CFAP74: variants seen among roughly 807,000 people sequenced by gnomAD.
The protein encoded by CFAP74 is cilia and flagella associated protein 74.
A neutral mutation model predicts 188.9 loss-of-function variants in CFAP74; 124 were observed. That is an observed-to-expected ratio of 0.66 (90% CI 0.57 to 0.76). The LOEUF (loss-of-function observed/expected upper bound fraction) is 0.76, where lower values mean the gene tolerates loss of function less well. Ranked by LOEUF, CFAP74 falls within the 30% of genes least tolerant of loss-of-function variation. The pLI, the probability that CFAP74 is intolerant of heterozygous loss-of-function variation, is 0.00. For synonymous variants in CFAP74, 956 were observed against 916.7 expected (o/e 1.04, Z -0.77); for missense variants, 2,198 against 2,165.2 (o/e 1.02, Z -0.30).
At chr1:1,995,331 A>C (rs1340642651) in intron 1 of CFAP74, among the ~76,000 whole-genome samples, 1 of 152,018 alleles carries the variant, frequency 6.6e-6, no homozygotes, top group Non-Finnish European at 1.5e-5. Context: ...GTCTCTACTA[A>C]AAATACAAAA....
intron 18 of CFAP74, among the ~76,000 whole-genome samples, chr1:1,951,124 G>A (rs1654176973): frequency 1.3e-5 from 2 of 152,274 alleles, no homozygotes; most frequent in South Asian, 4.2e-4. Context: ...TGGCTGACAA[G>A]GCCTCAGGAA....
rs1656215465 is a variant in CFAP74 at position 1,973,268 on chromosome 1, A to G, written c.675-221T>C. Among the ~76,000 whole-genome samples, 1 of 152,222 alleles carries G rather than the reference A, an allele frequency of 6.6e-6. No homozygotes were observed. The highest frequency in any genetic ancestry group is 1.5e-5 in the Non-Finnish European group (1 of 68,044). ...TCCACGCTACTGGGGCTCCAGTGCC[A>G]GGGAGCCACCAAAGGCAAGGTTTGA... On this transcript the variant is annotated intron_variant, in intron 7 of 38. Transcript: ENST00000682832. This position sits in a 1 kb window ranked among gnomAD's most constrained non-coding sequence, Gnocchi z 6.2.
At chr1:1,967,380 T>C (rs1232967679) in intron 11 of CFAP74, among the ~76,000 whole-genome samples, 4 of 145,288 alleles carry the variant, frequency 2.8e-5, no homozygotes, top group African/African-American at 1.0e-4. Flanking sequence ...TTGCTGTTAC[T>C]GTGACCTGTA....
intron 21 of CFAP74, among the ~76,000 whole-genome samples, 198 bp downstream of exon 21, chr1:1,944,133 T>C (rs1337884748): frequency 1.3e-5 from 2 of 152,196 alleles, no homozygotes; most frequent in African/African-American, 4.8e-5. Flanking sequence ...ACAGCAGCCG[T>C]GGCAGCCCCA....
chr1:1,975,354 G>A lies in CFAP74; in HGVS notation c.501-1156C>T, dbSNP rs1317410171. Among the ~76,000 whole-genome samples the A allele has an allele frequency of 1.3e-5, 2 of 152,162 alleles. No homozygotes were observed. The highest frequency in any genetic ancestry group is 1.3e-4 in the Admixed American group (2 of 15,278). On this transcript the variant is annotated intron_variant, in intron 6 of 38. Coordinates refer to ENST00000682832, the MANE Select transcript of CFAP74 (RefSeq NM_001304360.2). The surrounding 1 kb of genome is among the most constrained non-coding windows in gnomAD (Gnocchi z 4.5). Reference sequence around the variant, plus strand: ...GTTAATGTCAAGGATTTCTAACGTTGAGCCTTTTTCGGGGCTCCTAGGATA... The same window carrying A: ...GTTAATGTCAAGGATTTCTAACGTTAAGCCTTTTTCGGGGCTCCTAGGATA...
In CFAP74 at chr1:1,926,634, C is replaced by G; in HGVS notation, c.3772+18G>C. 6.5e-7 allele frequency: 1 copy of G among 1,546,198 alleles called. No individual in the cohort carries two copies. The highest frequency in any genetic ancestry group is 1.2e-5 in the South Asian group (1 of 83,980). ...CTGGGCACCGGGGTGGAGGTGTGGG[C>G]GGGGCTTAGCGTCTCACCCACAGCG... On this transcript the variant is annotated intron_variant, in intron 30 of 38. Transcript: ENST00000682832.
In CFAP74 at chr1:1,971,233, GCACACACATGCA is replaced by G. The variant is rs541113459; in HGVS notation, c.889-429_889-418del. On this transcript the variant is annotated intron_variant, in intron 9 of 38. Transcript: ENST00000682832. ...CCTGCACACATACGCGTGCACGCCT[GCACACACATGCA>G]CACACTCACGCATGCACACACATGC... Among the ~76,000 whole-genome samples, 686 of 143,472 alleles carry G rather than the reference GCACACACATGCA, an allele frequency of 4.8e-3. 19 individuals carry two copies. In the East Asian group the frequency reaches 0.09, roughly 19 times the overall value. 94.1% of individuals were successfully genotyped at this position (143,472 alleles called of 152,430 possible). A position where few individuals can be genotyped will look rare whatever the true frequency, so the allele number is the denominator to read the frequency against.
At position 1,926,491 on chromosome 1, in the gene CFAP74, ATCT is replaced by A. The variant is rs771897343; in HGVS notation, c.3791_3793del (p.Lys1264del). On this transcript the variant is annotated inframe_deletion, in exon 31 of 39. Coordinates refer to ENST00000682832, the MANE Select transcript of CFAP74 (RefSeq NM_001304360.2). ...CTCGGGAGAGACGTTCTGGATGGAG[ATCT>A]TCTTGATACTGCGGTGCCCTGAAAT... The A allele has an allele frequency of 1.4e-5, 22 of 1,549,842 alleles. No individual in the cohort carries two copies. The highest frequency in any genetic ancestry group is 3.3e-4 in the Middle Eastern group (2 of 6,012).
At position 1,958,998 on chromosome 1, in the gene CFAP74, G is replaced by A. The variant is rs905888616; in HGVS notation, c.1851+122C>T. 2.4e-4 allele frequency: 159 copies of A among 675,198 alleles called. No individual in the cohort carries two copies. The East Asian group carries it at 4.2e-3, about 18-fold the overall frequency. The allele number at this position is 675,198 out of a possible 1,614,324, so 41.8% of individuals were successfully genotyped here. A position where few individuals can be genotyped will look rare whatever the true frequency, so the allele number is the denominator to read the frequency against. On this transcript the variant is annotated intron_variant, in intron 16 of 38. Coordinates refer to ENST00000682832, the MANE Select transcript of CFAP74 (RefSeq NM_001304360.2). Reference sequence around the variant, plus strand: ...AAGAAGGGGCTCAGCCCCTGGTGAAGATTGGAGCTTCCACCTGGTCCCCCC... The same window carrying A: ...AAGAAGGGGCTCAGCCCCTGGTGAAAATTGGAGCTTCCACCTGGTCCCCCC...
At position 1,974,107 on chromosome 1, in the gene CFAP74, G is replaced by A. The variant is rs757173514; in HGVS notation, c.592C>T (p.Leu198Phe). Reference protein sequence around the residue: ...REEVEATGRRLQVRAAEQLCR... With the variant: ...REEVEATGRRFQVRAAEQLCR... ...AGCTGCTCGGCTGCGCGCACCTGGA[G>A]CCGCCGCCCCGTGGCCTCCACCTCC... The change falls in exon 7 of 39, where the codon CTC (leucine) becomes TTC (phenylalanine). Residue 198 changes from leucine (L) to phenylalanine (F), a missense_variant. Physicochemically the swap from Leu to Phe is conservative, Grantham distance 22 (BLOSUM62 0). Coordinates refer to ENST00000682832, the MANE Select transcript of CFAP74 (RefSeq NM_001304360.2). 2 of 1,612,500 alleles carry A rather than the reference G, an allele frequency of 1.2e-6. No individual in the cohort carries two copies. Among genetic ancestry groups the A allele is most frequent in the Non-Finnish European group, 1.7e-6 (2 of 1,179,242 alleles).
At position 1,930,237 on chromosome 1, in the gene CFAP74, G is replaced by A. The variant is rs1454101391; in HGVS notation, c.3111C>T (p.Ser1037=). The A allele has an allele frequency of 1.2e-5, 18 of 1,535,758 alleles. No homozygotes were observed. Among genetic ancestry groups the A allele is most frequent in the African/African-American group, 2.7e-5 (2 of 73,162 alleles). ...KFAATALYDT[S]VATVYVINSH... is the part of the protein sequence containing the mutation. ...AGTTGATGACGTACACTGTAGCCACGGAGGTGTCGTATAGGGCCGTGGCGG... is the reference window on the plus strand; with the variant it reads ...AGTTGATGACGTACACTGTAGCCACAGAGGTGTCGTATAGGGCCGTGGCGG... Residue 1037 remains serine (S), a synonymous_variant, in exon 26 of 39, where the codon TCC becomes TCT. Transcript: ENST00000682832.
intron 6 of CFAP74, chr1:1,985,146 G>T (rs1400591276): frequency 4.3e-6 from 2 of 469,168 alleles, no homozygotes; most frequent in Non-Finnish European, 7.8e-6. Context: ...AACGAGGAAA[G>T]AGGAAAAAGA....
In CFAP74 at chr1:1,973,073, G is replaced by A. The variant is rs1195965581; in HGVS notation, c.675-26C>T. On this transcript the variant is annotated intron_variant, in intron 7 of 38. Transcript: ENST00000682832. The surrounding 1 kb of genome is among the most constrained non-coding windows in gnomAD (Gnocchi z 6.2). ...CTGTGGGGATATGGGGCCGTCAGAG[G>A]GAAACTCGGCATCACACGTCCCATC... 1 of 1,560,720 alleles carries A rather than the reference G, an allele frequency of 6.4e-7. No individual in the cohort carries two copies.
Position 1,998,291 on chromosome 1 carries a change from AATT to A in CFAP74, c.-20+5407_-20+5409del, listed in dbSNP as rs543687806. On this transcript the variant is annotated intron_variant, in intron 1 of 38. Coordinates refer to ENST00000682832, the MANE Select transcript of CFAP74 (RefSeq NM_001304360.2). ...AGACTTCATCTCAAAAAAAACAAGAAATTATTAATTGTATTGGGGTTGATGATG... is the reference window on the plus strand; with the variant it reads ...AGACTTCATCTCAAAAAAAACAAGAAATTAATTGTATTGGGGTTGATGATG... Among the ~76,000 whole-genome samples the A allele has an allele frequency of 1.7e-4, 26 of 152,200 alleles. No homozygotes were observed. In the South Asian group the frequency reaches 5.4e-3, roughly 32 times the overall value.
Position 1,966,440 on chromosome 1 carries a change from G to C in CFAP74, c.1332C>G (p.Ser444Arg), listed in dbSNP as rs1339368503. The change falls in exon 12 of 39, where the codon AGC becomes AGG. Residue 444 changes from serine to arginine, a missense_variant. Physicochemically the swap from Ser to Arg is moderately radical, Grantham distance 110. Coordinates refer to ENST00000682832, the MANE Select transcript of CFAP74 (RefSeq NM_001304360.2). Reference sequence around the variant, plus strand: ...GCTCAGCTAACGTTTCCTCCTCTGAGCTGGCCCCGGGGTCCCCCTGGATAA... The same window carrying C: ...GCTCAGCTAACGTTTCCTCCTCTGACCTGGCCCCGGGGTCCCCCTGGATAA... ...SELIQGDPGASSEEETLAEPE... is the reference protein window; with the variant it reads ...SELIQGDPGARSEEETLAEPE... 6.2e-7 allele frequency: 1 copy of C among 1,606,818 alleles called. No homozygotes were observed. Among genetic ancestry groups the C allele is most frequent in the South Asian group, 1.1e-5 (1 of 89,984 alleles).
intron 1 of CFAP74, among the ~76,000 whole-genome samples, chr1:1,998,057 C>T (rs921265222): frequency 4.6e-5 from 7 of 152,154 alleles, no homozygotes; most frequent in Non-Finnish European, 1.0e-4. Flanking sequence ...GCGGGTGGAT[C>T]ACCTGAGGTC....
chr1:1,924,917 C>T (rs185053366), intron 33 of CFAP74, among the ~76,000 whole-genome samples: 33 of 152,380 alleles, frequency 2.2e-4, no homozygotes, highest in South Asian at 4.1e-4. Context: ...CCTCCAGGAC[C>T]CGCCCTGAGC....
At chr1:1,938,674 G>C (rs956198654) in intron 25 of CFAP74, among the ~76,000 whole-genome samples, 181 bp downstream of exon 25, 6 of 152,186 alleles carry the variant, frequency 3.9e-5, no homozygotes, top group Non-Finnish European at 5.9e-5. Flanking sequence ...GGCTGCCTGG[G>C]TCCCAGGCCT....
intron 3 of CFAP74, 73 bp downstream of exon 3, chr1:1,988,816 T>TCGC: frequency 1.8e-6 from 1 of 569,882 alleles, no homozygotes; most frequent in Non-Finnish European, 2.9e-6. Flanking sequence ...CCCGCTCCCT[T>TCGC]CACCCACCCC....
Sources: gnomAD v4.1 joint callset for allele counts (sites outside exome capture counted in the v4.1 genomes callset) on GRCh38, gnomAD v4.1.1 for gene constraint, Gnocchi (gnomAD v3.1) non-coding constraint, MANE v1.5 for transcripts, NCBI Gene and HGNC (gene_info 2026-07-23, HGNC 2026-07-21) for gene names.